The following OSBPL1A variants were observed in gnomAD, a reference collection of about 807,000 sequenced individuals.
The protein encoded by OSBPL1A is oxysterol-binding protein-related protein 1.
OSBPL1A carries 80 observed loss-of-function variants against 137.1 expected under a neutral mutation model. The ratio of observed to expected loss-of-function variants is 0.58; its 90% CI spans 0.49 to 0.70. The LOEUF (loss-of-function observed/expected upper bound fraction) is 0.70, where lower values mean the gene tolerates loss of function less well. OSBPL1A is among the 30% of genes least tolerant of loss of function. OSBPL1A has a pLI of 0.00. For synonymous variants in OSBPL1A, 365 were observed against 389.7 expected (o/e 0.94, Z 0.75); for missense variants, 970 against 1,129.4 (o/e 0.86, Z 2.02).
chr18:24,164,420 G>GTT (rs35343209), intron 27 of OSBPL1A, among the ~76,000 whole-genome samples: 2,305 of 95,928 alleles, frequency 0.024, 330 homozygotes, highest in African/African-American at 0.093. Context: ...GAGATTTTTG[G>GTT]TTTTTTTTTT....
chr18:24,346,169 G>GC (rs1467124037), intron 4 of OSBPL1A, among the ~76,000 whole-genome samples: 1 of 152,076 alleles, frequency 6.6e-6, no homozygotes, highest in Non-Finnish European at 1.5e-5. Flanking sequence ...CTCCCAAATC[G>GC]CCCCAGCTCC....
chr18:24,196,210 GAAAAGA>G lies in OSBPL1A; in HGVS notation c.1602-16_1602-11del. On this transcript the variant is annotated splice_polypyrimidine_tract_variant and intron_variant, in intron 17 of 27. Transcript: ENST00000319481. ...AGAAGGCAAACTTGTTCTGAAAAAA[GAAAAGA>G]AAAACATAAAGTTCATTCTAATGCC... is the stretch of plus-strand genomic sequence containing the variant. The G allele has an allele frequency of 6.3e-7, 1 of 1,594,594 alleles. No individual in the cohort carries two copies. Among genetic ancestry groups the G allele is most frequent in the Non-Finnish European group, 8.6e-7 (1 of 1,169,150 alleles).
intron 2 of OSBPL1A, chr18:24,368,624 A>C (rs111310482): frequency 5.0e-5 from 17 of 340,284 alleles, no homozygotes; most frequent in African/African-American, 3.1e-4. Flanking sequence ...CGGGGGTTAC[A>C]TTCGAGCTAG....
intron 15 of OSBPL1A, among the ~76,000 whole-genome samples, chr18:24,267,337 T>TAA (rs2089604629): frequency 1.3e-5 from 2 of 152,052 alleles, no homozygotes; most frequent in African/African-American, 4.8e-5. Context: ...GATAAGGTGG[T>TAA]TTTATAAGAA....
intron 18 of OSBPL1A, among the ~76,000 whole-genome samples, chr18:24,187,934 T>C (rs924912079): frequency 1.3e-5 from 2 of 152,198 alleles, no homozygotes; most frequent in African/African-American, 4.8e-5. Context: ...GGCTATGCCA[T>C]TTCTGGCTCA....
intron 4 of OSBPL1A, among the ~76,000 whole-genome samples, chr18:24,361,996 C>CAAAAAAAAAAAAAAA (rs200189504): frequency 1.9e-5 from 1 of 52,182 alleles, no homozygotes; most frequent in Non-Finnish European, 4.0e-5. Context: ...GACTCCATCT[C>CAAAAAAAAAAAAAAA]AAAAAAAAAA....
intron 16 of OSBPL1A, among the ~76,000 whole-genome samples, chr18:24,226,921 C>T (rs145157407): frequency 0.037 from 5,258 of 142,732 alleles, 116 homozygotes; most frequent in Middle Eastern, 0.068. Flanking sequence ...AGATGGAGTC[C>T]CACTCTGTCA....
At chr18:24,250,757 T>G (rs187222391) in intron 15 of OSBPL1A, among the ~76,000 whole-genome samples, 1 of 152,320 alleles carries the variant, frequency 6.6e-6, no homozygotes, top group Admixed American at 6.5e-5. Context: ...TCTTGCACCT[T>G]AAGTACCAGC....
Position 24,271,387 on chromosome 18 carries a change from A to G in OSBPL1A, c.1281+9455T>C. ...CTTTTTCCCCAGGGGCTCTTCCTGC[A>G]GGAACCCCACGGCAGGGAGACCCGC... On this transcript the variant is annotated intron_variant, in intron 15 of 27. Transcript: ENST00000319481. The surrounding 1 kb of genome is among the most constrained non-coding windows in gnomAD (Gnocchi z 4.0). 5.0e-6 allele frequency: 1 copy of G among 200,614 alleles called. No individual in the cohort carries two copies. Among genetic ancestry groups the G allele is most frequent in the Non-Finnish European group, 8.9e-6 (1 of 112,286 alleles). 12.4% of individuals were successfully genotyped at this position (200,614 alleles called of 1,614,324 possible). A position where few individuals can be genotyped will look rare whatever the true frequency, so the allele number is the denominator to read the frequency against.
chr18:24,207,758 T>A (rs368425384), intron 17 of OSBPL1A, among the ~76,000 whole-genome samples: 6 of 152,266 alleles, frequency 3.9e-5, no homozygotes, highest in East Asian at 1.9e-4. Flanking sequence ...AGACTTCTTA[T>A]CGTTTCCTCC....
rs199712930 is a variant in OSBPL1A at position 24,368,381 on chromosome 18, G to A, written c.122-9C>T. 1.7e-4 allele frequency: 279 copies of A among 1,599,846 alleles called. 1 individual carries two copies. The African/African-American group carries it at 3.5e-3, about 20-fold the overall frequency. On this transcript the variant is annotated splice_polypyrimidine_tract_variant and intron_variant, in intron 2 of 27. Coordinates refer to ENST00000319481, the MANE Select transcript of OSBPL1A (RefSeq NM_080597.4). ...GTTAGACTTACTTCTTCCTAAAAAT[G>A]GAAAAATATAAGGTATTTTTAGGTC... is the stretch of plus-strand genomic sequence containing the variant.
At chr18:24,182,271 C>A (rs926116311) in intron 18 of OSBPL1A, among the ~76,000 whole-genome samples, 6 of 152,246 alleles carry the variant, frequency 3.9e-5, no homozygotes, top group African/African-American at 9.6e-5. Flanking sequence ...CTGACCTCAA[C>A]TGCAACTGTT....
At chr18:24,310,623 G>A (rs1442781458) in intron 13 of OSBPL1A, among the ~76,000 whole-genome samples, 74 of 128,580 alleles carry the variant, frequency 5.8e-4, no homozygotes, top group Middle Eastern at 4.1e-3. Flanking sequence ...AAAAAGAAAA[G>A]AAAAAAAAAA....
intron 15 of OSBPL1A, among the ~76,000 whole-genome samples, chr18:24,268,534 T>C (rs1445959232): frequency 6.6e-6 from 1 of 151,534 alleles, no homozygotes. Flanking sequence ...CATTTTTTTT[T>C]GTTTTTGTTT....
At chr18:24,197,089 T>C (rs565684512) in intron 17 of OSBPL1A, among the ~76,000 whole-genome samples, 36 of 152,312 alleles carry the variant, frequency 2.4e-4, no homozygotes, top group Admixed American at 2.2e-3. Flanking sequence ...GGTTCACACC[T>C]GTAATCCCAG....
At chr18:24,222,725 C>A (rs185416419) in intron 17 of OSBPL1A, among the ~76,000 whole-genome samples, 1 of 152,126 alleles carries the variant, frequency 6.6e-6, no homozygotes, top group African/African-American at 2.4e-5. Context: ...TTCTATTTTA[C>A]AAGCAAAAGT....
chr18:24,328,036 C>CTTTT (rs10563779), intron 7 of OSBPL1A, among the ~76,000 whole-genome samples: 5 of 95,634 alleles, frequency 5.2e-5, no homozygotes, highest in African/African-American at 9.1e-5. Context: ...AGAAATCACA[C>CTTTT]TTTTTTTTTT....
chr18:24,326,657 T>C (rs1191786705), intron 7 of OSBPL1A, among the ~76,000 whole-genome samples: 1 of 152,226 alleles, frequency 6.6e-6, no homozygotes, highest in African/African-American at 2.4e-5. Context: ...AACAGTTCTC[T>C]GGTTCCCAGT....
chr18:24,174,011 A>G (rs2086361186), intron 21 of OSBPL1A, among the ~76,000 whole-genome samples: 1 of 152,234 alleles, frequency 6.6e-6, no homozygotes, highest in Non-Finnish European at 1.5e-5. Context: ...TTTTGAGATT[A>G]GCATCTTCAA....
Sources: gnomAD v4.1 joint callset for allele counts (sites outside exome capture counted in the v4.1 genomes callset) on GRCh38, gnomAD v4.1.1 for gene constraint, Gnocchi (gnomAD v3.1) non-coding constraint, MANE v1.5 for transcripts, NCBI Gene and HGNC (gene_info 2026-07-23, HGNC 2026-07-21) for gene names.